The following NFKB1 variants were observed in gnomAD, a reference collection of about 807,000 sequenced individuals.
NFKB1 encodes the protein nuclear factor kappa B subunit 1, also known as nuclear factor NF-kappa-B p105 subunit.
In NFKB1, 9 loss-of-function variants were observed where a neutral mutation model predicts 105.1. The ratio of observed to expected loss-of-function variants is 0.09; its 90% CI spans 0.05 to 0.15. NFKB1 has a LOEUF of 0.15. NFKB1 is among the 10% of genes least tolerant of loss of function. NFKB1 has a pLI of 1.00. For synonymous variants in NFKB1, 440 were observed against 442.2 expected (o/e 1.00, Z 0.06); for missense variants, 830 against 1,203.7 (o/e 0.69, Z 4.59).
At position 102,596,127 on chromosome 4, in the gene NFKB1, A is replaced by T; in HGVS notation, c.1301-11A>T. 6.6e-7 allele frequency: 1 copy of T among 1,507,914 alleles called. No individual in the cohort carries two copies. Among genetic ancestry groups the T allele is most frequent in the Non-Finnish European group, 8.9e-7 (1 of 1,119,018 alleles). The allele number at this position is 1,507,914 out of a possible 1,614,324, so 93.4% of individuals were successfully genotyped here. ...ACTGAGAAAAATCTGATGTTTTTGC[A>T]TTTATCTTAGGAACCATGGACACTG... On this transcript the variant is annotated splice_polypyrimidine_tract_variant and intron_variant, in intron 13 of 23. Coordinates refer to ENST00000226574, the MANE Select transcript of NFKB1 (RefSeq NM_003998.4).
chr4:102,530,906 T>A (rs966791255), intron 3 of NFKB1, among the ~76,000 whole-genome samples: 5 of 152,196 alleles, frequency 3.3e-5, no homozygotes, highest in Non-Finnish European at 5.9e-5. Context: ...TTTCTGTCTT[T>A]ACCCCTACAA....
chr4:102,513,287 C>T (rs1181959068), intron 1 of NFKB1, among the ~76,000 whole-genome samples: 1 of 152,160 alleles, frequency 6.6e-6, no homozygotes, highest in Admixed American at 6.5e-5. Flanking sequence ...TTAATTATAA[C>T]ATTTAAGGTT....
chr4:102,544,528 A>AT (rs1436484935), intron 5 of NFKB1, among the ~76,000 whole-genome samples: 1 of 152,182 alleles, frequency 6.6e-6, no homozygotes, highest in Non-Finnish European at 1.5e-5. Context: ...CATTGAACAA[A>AT]TATTGATTGA....
At chr4:102,506,233 C>A (rs1212693261) in intron 1 of NFKB1, among the ~76,000 whole-genome samples, 1 of 152,102 alleles carries the variant, frequency 6.6e-6, no homozygotes, top group African/African-American at 2.4e-5. Flanking sequence ...TCTGTACACT[C>A]CATTGAAACT....
At chr4:102,583,120 C>T (rs1342857774) in intron 10 of NFKB1, among the ~76,000 whole-genome samples, 163 bp downstream of exon 10, 1 of 152,118 alleles carries the variant, frequency 6.6e-6, no homozygotes, top group African/African-American at 2.4e-5. Flanking sequence ...TCTGGGACTA[C>T]AGGCATGCTA....
In NFKB1 at chr4:102,612,499, C is replaced by A; in HGVS notation, c.2485C>A (p.Pro829Thr). Reference sequence around the variant, plus strand: ...GTATAAGTTACTAGAAATTCCTGATCCAGACAAAAACTGGGCTACTCTGGC... The same window carrying A: ...GTATAAGTTACTAGAAATTCCTGATACAGACAAAAACTGGGCTACTCTGGC... Reference protein sequence around the residue: ...QLYKLLEIPDPDKNWATLAQK... With the variant: ...QLYKLLEIPDTDKNWATLAQK... The change falls in exon 22 of 24, where the codon CCA becomes ACA. Residue 829 changes from proline to threonine, a missense_variant. By Grantham distance (38) the Pro-to-Thr change is conservative. Coordinates refer to ENST00000226574, the MANE Select transcript of NFKB1 (RefSeq NM_003998.4). 1 of 1,613,908 alleles carries A rather than the reference C, an allele frequency of 6.2e-7. No homozygotes were observed. The highest frequency in any genetic ancestry group is 8.5e-7 in the Non-Finnish European group (1 of 1,179,990).
At chr4:102,517,602 A>G (rs1740278320) in intron 1 of NFKB1, among the ~76,000 whole-genome samples, 1 of 152,234 alleles carries the variant, frequency 6.6e-6, no homozygotes, top group Admixed American at 6.5e-5. Flanking sequence ...CAGTAAAACT[A>G]TGCTGTCTAG....
chr4:102,605,915 CTAT>C (rs550249360), intron 16 of NFKB1, among the ~76,000 whole-genome samples: 2 of 152,096 alleles, frequency 1.3e-5, no homozygotes, highest in Non-Finnish European at 2.9e-5. Flanking sequence ...TAATTGGTTT[CTAT>C]TGAGTACTTT....
chr4:102,579,636 CA>C (rs1288717126), intron 8 of NFKB1, among the ~76,000 whole-genome samples: 3,262 of 106,252 alleles, frequency 0.031, 124 homozygotes, highest in African/African-American at 0.096. Context: ...GACCCCATCT[CA>C]AAAAAAAAAA....
chr4:102,616,774 A>G lies in NFKB1; in HGVS notation c.*180A>G. On this transcript the variant is annotated 3_prime_UTR_variant, in exon 24 of 24. Transcript: ENST00000226574. ...CTTTCTTGGTTCATAAATGAATTTT[A>G]GTTTGGTTCACTTACAGATAGTATC... 1 of 625,524 alleles carries G rather than the reference A, an allele frequency of 1.6e-6. No homozygotes were observed. The highest frequency in any genetic ancestry group is 2.7e-6 in the Non-Finnish European group (1 of 373,578). The allele number at this position is 625,524 out of a possible 1,614,324, so 38.7% of individuals were successfully genotyped here.
At chr4:102,557,194 A>G (rs1323218164) in intron 5 of NFKB1, 1 of 152,214 alleles carries the variant, frequency 6.6e-6, no homozygotes, top group African/African-American at 2.4e-5. Context: ...TCAACTGCAG[A>G]TATCTGCTTA....
chr4:102,588,509 G>A (rs944490858), intron 11 of NFKB1, among the ~76,000 whole-genome samples: 4 of 151,978 alleles, frequency 2.6e-5, no homozygotes, highest in Non-Finnish European at 4.4e-5. Flanking sequence ...ATGGAGATTA[G>A]GGATAAATAA....
chr4:102,526,970 A>C (rs185575345), intron 2 of NFKB1, among the ~76,000 whole-genome samples: 1 of 152,050 alleles, frequency 6.6e-6, no homozygotes, highest in Non-Finnish European at 1.5e-5. Flanking sequence ...ATGTATATAC[A>C]TAATCATTTG....
At chr4:102,545,120 G>A (rs1370787965) in intron 5 of NFKB1, among the ~76,000 whole-genome samples, 1 of 152,140 alleles carries the variant, frequency 6.6e-6, no homozygotes, top group Non-Finnish European at 1.5e-5. Flanking sequence ...ACACACAGAA[G>A]CACTAAGATC....
At chr4:102,537,764 A>G in intron 4 of NFKB1, 94 bp from the exon 5 acceptor site, 1 of 641,830 alleles carries the variant, frequency 1.6e-6, no homozygotes, top group East Asian at 2.8e-5. Flanking sequence ...CTCATTTAGT[A>G]GACATAAGAT....
chr4:102,600,558 A>G (rs954975987), intron 15 of NFKB1, among the ~76,000 whole-genome samples: 5 of 152,204 alleles, frequency 3.3e-5, no homozygotes, highest in African/African-American at 4.8e-5. Flanking sequence ...GCCCAAAGCC[A>G]TGGTATAGAG....
intron 1 of NFKB1, among the ~76,000 whole-genome samples, chr4:102,506,608 A>G (rs571968635): frequency 2.6e-5 from 4 of 152,264 alleles, no homozygotes; most frequent in African/African-American, 9.6e-5. Context: ...GAATTGAACC[A>G]TTTATTTTTT....
At position 102,525,701 on chromosome 4, in the gene NFKB1, G is replaced by A. The variant is rs1341092847; in HGVS notation, c.39+144G>A. Reference sequence around the variant, plus strand: ...AATTTCAGTTTCTCTGTCCTTTCATGTGAAGTTGGAGAGGATATGTCATGT... The same window carrying A: ...AATTTCAGTTTCTCTGTCCTTTCATATGAAGTTGGAGAGGATATGTCATGT... On this transcript the variant is annotated intron_variant, in intron 2 of 23. Coordinates refer to ENST00000226574, the MANE Select transcript of NFKB1 (RefSeq NM_003998.4). 5 of 725,662 alleles carry A rather than the reference G, an allele frequency of 6.9e-6. No individual in the cohort carries two copies. The East Asian group carries it at 8.2e-5, about 12-fold the overall frequency. 45.0% of individuals were successfully genotyped at this position (725,662 alleles called of 1,614,324 possible). A position where few individuals can be genotyped will look rare whatever the true frequency, so the allele number is the denominator to read the frequency against.
chr4:102,535,815 G>A (rs991067879), intron 4 of NFKB1, among the ~76,000 whole-genome samples: 1 of 151,704 alleles, frequency 6.6e-6, no homozygotes, highest in Non-Finnish European at 1.5e-5. Flanking sequence ...ACACATACGT[G>A]TCTATATTTT....
Sources: allele counts gnomAD v4.1 joint callset (sites outside exome capture counted in the v4.1 genomes callset), GRCh38; gene constraint gnomAD v4.1.1; transcripts MANE v1.5; gene names NCBI Gene and HGNC (gene_info 2026-07-23, HGNC 2026-07-21).